Variants in CHST15 observed in about 807,000 individuals in gnomAD.
CHST15 encodes the protein carbohydrate sulfotransferase 15, also known as B cell RAG associated protein (GALNAC4S-6ST).
A neutral mutation model predicts 53.6 loss-of-function variants in CHST15; 30 were observed. That is an observed-to-expected ratio of 0.56 (90% CI 0.42 to 0.76). The LOEUF (loss-of-function observed/expected upper bound fraction) is 0.76, where lower values mean the gene tolerates loss of function less well. Ranked by LOEUF, CHST15 falls within the 30% of genes least tolerant of loss-of-function variation. The pLI is 0.00. For synonymous variants in CHST15, 296 were observed against 289.8 expected, an observed-to-expected ratio of 1.02 and a Z score of -0.22; for missense variants, 627 against 740.5, an observed-to-expected ratio of 0.85 and a Z score of 1.78.
intron 1 of CHST15, among the ~76,000 whole-genome samples, chr10:124,071,044 C>G (rs906034207): frequency 6.6e-6 from 1 of 152,206 alleles, no homozygotes; most frequent in Non-Finnish European, 1.5e-5. Context: ...CTCTCTACCC[C>G]ACTGGGGTAA....
At chr10:124,020,953 G>T (rs1387000040) in intron 6 of CHST15, 2 of 1,389,860 alleles carry the variant, frequency 1.4e-6, no homozygotes, top group Middle Eastern at 2.6e-4. Context: ...CATGTCTGCC[G>T]ATTCTAATTG....
intron 5 of CHST15, among the ~76,000 whole-genome samples, chr10:124,029,106 T>A (rs1947121465): frequency 6.6e-6 from 1 of 152,210 alleles, no homozygotes; most frequent in East Asian, 1.9e-4. Flanking sequence ...GCATCCGAAT[T>A]TAAATCACTG....
In CHST15 at chr10:124,059,981, A is replaced by G. The variant is rs116365529; in HGVS notation, c.-512-13257T>C. Among the ~76,000 whole-genome samples, 939 of 152,202 alleles carry G rather than the reference A, an allele frequency of 6.2e-3. 10 individuals carry two copies. The highest frequency in any genetic ancestry group is 0.02 in the African/African-American group (842 of 41,532). ...CCAGGGGGTCACCTGAAGTCAGCTG[A>G]CATTCATTTTCTGCCCCCAGACAGA... is the stretch of plus-strand genomic sequence containing the variant. On this transcript the variant is annotated intron_variant, in intron 1 of 7. Transcript: ENST00000435907.
At position 124,009,944 on chromosome 10, in the gene CHST15, T is replaced by A; in HGVS notation, c.*205A>T. The A allele has an allele frequency of 1.4e-6, 2 of 1,415,134 alleles. No homozygotes were observed. Among genetic ancestry groups the A allele is most frequent in the Non-Finnish European group, 1.8e-6 (2 of 1,087,838 alleles). The allele number at this position is 1,415,134 out of a possible 1,614,324, so 87.7% of individuals were successfully genotyped here. ...AACTGGGGTCTCCAATGGCCTCGGATAGAGGAGCTCTGTGAGGGGTCCATT... is the reference window on the plus strand; with the variant it reads ...AACTGGGGTCTCCAATGGCCTCGGAAAGAGGAGCTCTGTGAGGGGTCCATT... On this transcript the variant is annotated 3_prime_UTR_variant, in exon 8 of 8. Coordinates refer to ENST00000435907, the MANE Select transcript of CHST15 (RefSeq NM_001270764.2).
At chr10:124,080,535 C>G (rs566749979) in intron 1 of CHST15, among the ~76,000 whole-genome samples, 1 of 152,228 alleles carries the variant, frequency 6.6e-6, no homozygotes, top group Non-Finnish European at 1.5e-5. Flanking sequence ...GTGTCTAACT[C>G]ACTGCTAGAT....
intron 6 of CHST15, among the ~76,000 whole-genome samples, chr10:124,016,291 C>T (rs535771113): frequency 6.6e-6 from 1 of 152,048 alleles, no homozygotes; most frequent in Admixed American, 6.5e-5. Flanking sequence ...CAAAGCTGCC[C>T]TCCCAGGGCT....
chr10:124,082,922 A>G (rs1949296044), intron 1 of CHST15, among the ~76,000 whole-genome samples: 2 of 152,234 alleles, frequency 1.3e-5, no homozygotes, highest in South Asian at 4.1e-4. Context: ...GCTGAAGGGT[A>G]CATGTAGGGG....
At chr10:124,050,202 C>A (rs149673576) in intron 1 of CHST15, among the ~76,000 whole-genome samples, 1 of 152,312 alleles carries the variant, frequency 6.6e-6, no homozygotes, top group Non-Finnish European at 1.5e-5. Flanking sequence ...TAGAGCCCGG[C>A]GGCTTCCAGA....
intron 1 of CHST15, among the ~76,000 whole-genome samples, chr10:124,075,024 T>G (rs999135887): frequency 3.3e-5 from 5 of 152,234 alleles, no homozygotes; most frequent in Non-Finnish European, 7.3e-5. Flanking sequence ...CCCCTAATAC[T>G]TCTAAGCCAG....
At chr10:124,056,931 G>A (rs1319890240) in intron 1 of CHST15, among the ~76,000 whole-genome samples, 2 of 151,970 alleles carry the variant, frequency 1.3e-5, no homozygotes, top group South Asian at 2.1e-4. Context: ...CCGTACGACC[G>A]GACACTCTGA....
At chr10:124,061,299 C>A (rs577804652) in intron 1 of CHST15, among the ~76,000 whole-genome samples, 72 of 152,114 alleles carry the variant, frequency 4.7e-4, no homozygotes, top group African/African-American at 1.6e-3. Flanking sequence ...TCATGGGGGC[C>A]GGTTTTTCCC....
intron 3 of CHST15, among the ~76,000 whole-genome samples, chr10:124,043,121 ACAC>A (rs1369833729): frequency 6.6e-6 from 1 of 152,212 alleles, no homozygotes; most frequent in Non-Finnish European, 1.5e-5. Flanking sequence ...CCACTTCCCA[ACAC>A]CACAACTCCT....
rs1210233589 is a variant in CHST15 at position 124,011,337 on chromosome 10, A to G, written c.1495+996T>C. ...CATCTTGGGGACAAAAGACAAGCTC[A>G]TTAATGGGACAGAGTCAACATGTGG... On this transcript the variant is annotated intron_variant, in intron 7 of 7. Coordinates refer to ENST00000435907, the MANE Select transcript of CHST15 (RefSeq NM_001270764.2). The G allele has an allele frequency of 1.4e-5, 13 of 957,466 alleles. No individual in the cohort carries two copies. The African/African-American group carries it at 1.9e-4, about 14-fold the overall frequency. 59.3% of individuals were successfully genotyped at this position (957,466 alleles called of 1,614,324 possible).
chr10:124,010,045 G>A lies in CHST15; in HGVS notation c.*104C>T. On this transcript the variant is annotated 3_prime_UTR_variant, in exon 8 of 8. Transcript: ENST00000435907. ...GTGTGCCTAGAGTGGCAGAGTCCTG[G>A]GGTTTTCCATACCATGAGTGAAACA... 2 of 1,591,286 alleles carry A rather than the reference G, an allele frequency of 1.3e-6. No individual in the cohort carries two copies. Among genetic ancestry groups the A allele is most frequent in the Non-Finnish European group, 1.7e-6 (2 of 1,170,056 alleles).
intron 1 of CHST15, among the ~76,000 whole-genome samples, chr10:124,087,328 C>G (rs1403474329): frequency 1.3e-5 from 2 of 152,158 alleles, no homozygotes; most frequent in Non-Finnish European, 1.5e-5. Context: ...GTATGCCCTC[C>G]CCCTTGCTGG....
At position 124,031,233 on chromosome 10, in the gene CHST15, T is replaced by C. The variant is rs527985537; in HGVS notation, c.1190+7282A>G. Among the ~76,000 whole-genome samples, 224 of 152,358 alleles carry C rather than the reference T, an allele frequency of 1.5e-3. 1 individual carries two copies. Among genetic ancestry groups the C allele is most frequent in the African/African-American group, 5.3e-3 (219 of 41,586 alleles). Reference sequence around the variant, plus strand: ...CTCCCTCAACTAGACAGAGGCTCCATGAGAGCAAACGGGATGGATTTTCCT... The same window carrying C: ...CTCCCTCAACTAGACAGAGGCTCCACGAGAGCAAACGGGATGGATTTTCCT... On this transcript the variant is annotated intron_variant, in intron 5 of 7. Transcript: ENST00000435907.
chr10:124,076,188 G>A (rs969981935), intron 1 of CHST15, among the ~76,000 whole-genome samples: 2 of 152,194 alleles, frequency 1.3e-5, no homozygotes, highest in South Asian at 4.1e-4. Context: ...CCATTTTACA[G>A]TGAAAAATCA....
intron 1 of CHST15, among the ~76,000 whole-genome samples, chr10:124,058,440 G>C (rs1044829795): frequency 6.6e-6 from 1 of 152,204 alleles, no homozygotes; most frequent in Non-Finnish European, 1.5e-5. Flanking sequence ...GGCACAGCAG[G>C]GTTAAACACA....
Position 124,034,648 on chromosome 10 carries a change from ACCCCTAACAGGGACCCCGGCTCTAC to A in CHST15, c.1190+3842_1190+3866del, listed in dbSNP as rs1439193613. ...CACCCCTGATAGGTACCCTGGCTCC[ACCCCTAACAGGGACCCCGGCTCTAC>A]CCCCTAACAGGGACCCCGGCTCCAC... On this transcript the variant is annotated intron_variant, in intron 5 of 7. Transcript: ENST00000435907. Among the ~76,000 whole-genome samples, 308 of 104,684 alleles carry A rather than the reference ACCCCTAACAGGGACCCCGGCTCTAC, an allele frequency of 2.9e-3. 12 individuals carry two copies. Among genetic ancestry groups the A allele is most frequent in the African/African-American group, 0.011 (249 of 21,974 alleles). The allele number at this position is 104,684 out of a possible 152,430, so 68.7% of individuals were successfully genotyped here.
Sources: gnomAD v4.1 joint callset for allele counts (sites outside exome capture counted in the v4.1 genomes callset) on GRCh38, gnomAD v4.1.1 for gene constraint, MANE v1.5 for transcripts, NCBI Gene and HGNC (gene_info 2026-07-23, HGNC 2026-07-21) for gene names.